THSD7A: variants seen among roughly 807,000 people sequenced by gnomAD.
THSD7A encodes thrombospondin type-1 domain-containing protein 7A.
A neutral mutation model predicts 231.3 loss-of-function variants in THSD7A; 96 were observed. The ratio of observed to expected loss-of-function variants is 0.41; its 90% confidence interval spans 0.35 to 0.49. The LOEUF (loss-of-function observed/expected upper bound fraction) is 0.49. Among genes scored for constraint, THSD7A ranks in the 20% least tolerant of loss-of-function variants. The probability of loss-of-function intolerance (pLI) is 0.05; values close to 1 mark genes in which losing one functional copy is unlikely to be tolerated. For missense variants in THSD7A, 2,290 were observed against 2,070.2 expected (o/e 1.11, Z -2.06); for synonymous variants, 940 against 743.3 (o/e 1.26, Z -4.30).
chr7:11,692,699 A>G (rs1780271667), intron 1 of THSD7A, among the ~76,000 whole-genome samples: 1 of 151,592 alleles, frequency 6.6e-6, no homozygotes, highest in East Asian at 2.0e-4. Flanking sequence ...ATTAGTTTAA[A>G]AGACAACAAG....
chr7:11,736,436 G>T (rs1781913929), intron 1 of THSD7A, among the ~76,000 whole-genome samples: 1 of 151,364 alleles, frequency 6.6e-6, no homozygotes, highest in South Asian at 2.1e-4. Context: ...ACTCCAGCCT[G>T]GGTGACACAG....
intron 1 of THSD7A, among the ~76,000 whole-genome samples, chr7:11,826,016 T>C (rs1785017138): frequency 6.6e-6 from 1 of 152,234 alleles, no homozygotes; most frequent in Admixed American, 6.5e-5. Context: ...TATTTGCATA[T>C]ACATTGGAGA....
At chr7:11,819,858 C>A (rs1481424316) in intron 1 of THSD7A, among the ~76,000 whole-genome samples, 1 of 152,108 alleles carries the variant, frequency 6.6e-6, no homozygotes, top group Non-Finnish European at 1.5e-5. Flanking sequence ...TCAATCGTAA[C>A]AAATGTACCA....
At chr7:11,449,891 G>C (rs1391150099) in intron 11 of THSD7A, among the ~76,000 whole-genome samples, 1 of 151,970 alleles carries the variant, frequency 6.6e-6, no homozygotes, top group East Asian at 1.9e-4. Flanking sequence ...CCTCAAGAAT[G>C]ATATATTTGG....
At position 11,401,986 on chromosome 7, in the gene THSD7A, G is replaced by GTAAT; in HGVS notation, c.4238-22_4238-19dup. 6.2e-7 allele frequency: 1 copy of GTAAT among 1,604,466 alleles called. No homozygotes were observed. The highest frequency in any genetic ancestry group is 8.5e-7 in the Non-Finnish European group (1 of 1,175,590). On this transcript the variant is annotated intron_variant, in intron 22 of 27. Coordinates refer to ENST00000423059, the MANE Select transcript of THSD7A (RefSeq NM_015204.3). ...ACAGTCACCTGTAAAACACATATTT[G>GTAAT]TAATTTACACCCATATCCACAGAGA... is the stretch of plus-strand genomic sequence containing the variant.
At chr7:11,447,700 G>T (rs749652857) in intron 11 of THSD7A, among the ~76,000 whole-genome samples, 1 of 151,940 alleles carries the variant, frequency 6.6e-6, no homozygotes, top group Non-Finnish European at 1.5e-5. Flanking sequence ...ATGTATTCAG[G>T]GTTTCAATTC....
chr7:11,447,211 G>A lies in THSD7A; in HGVS notation c.2800+19C>T. ...TCTACTTTGACGTGTACTGGCTTTGGCATCCCAATTATTCTTACCAACAAG... is the reference window on the plus strand; with the variant it reads ...TCTACTTTGACGTGTACTGGCTTTGACATCCCAATTATTCTTACCAACAAG... On this transcript the variant is annotated intron_variant, in intron 12 of 27. Coordinates refer to ENST00000423059, the MANE Select transcript of THSD7A (RefSeq NM_015204.3). 3 of 1,611,062 alleles carry A rather than the reference G, an allele frequency of 1.9e-6. No individual in the cohort carries two copies. Among genetic ancestry groups the A allele is most frequent in the Non-Finnish European group, 2.5e-6 (3 of 1,178,030 alleles).
rs78826124 is a variant in THSD7A at position 11,598,577 on chromosome 7, G to A, written c.1023-5075C>T. Among the ~76,000 whole-genome samples the A allele has an allele frequency of 0.016, 2,460 of 152,258 alleles. 150 individuals carry two copies. In the East Asian group the frequency reaches 0.22, roughly 14 times the overall value. On this transcript the variant is annotated intron_variant, in intron 2 of 27. Transcript: ENST00000423059. ...GCCCAATTTGCCAGCACTTATGGGG[G>A]AATGGCCTTTTGAAGTCACAATTAC...
chr7:11,818,359 C>T (rs749996236), intron 1 of THSD7A, among the ~76,000 whole-genome samples: 64 of 152,190 alleles, frequency 4.2e-4, no homozygotes, highest in Non-Finnish European at 7.3e-4. Context: ...TATTGTTCTA[C>T]GTTAGGCTGT....
At chr7:11,683,983 CA>C (rs1274434714) in intron 1 of THSD7A, among the ~76,000 whole-genome samples, 1 of 151,916 alleles carries the variant, frequency 6.6e-6, no homozygotes, top group Non-Finnish European at 1.5e-5. Context: ...ATATCCTCTA[CA>C]AAATATTAGC....
At chr7:11,607,516 T>C (rs1780772390) in intron 2 of THSD7A, among the ~76,000 whole-genome samples, 2 of 152,076 alleles carry the variant, frequency 1.3e-5, no homozygotes, top group African/African-American at 4.8e-5. Flanking sequence ...GTTCTGATTG[T>C]CTTGTGTTTT....
intron 8 of THSD7A, among the ~76,000 whole-genome samples, chr7:11,470,781 G>A (rs1031222471): frequency 6.6e-6 from 1 of 151,674 alleles, no homozygotes; most frequent in Non-Finnish European, 1.5e-5. Flanking sequence ...ATAAATTATA[G>A]TAAAATTAAC....
chr7:11,607,681 T>C (rs1780779505), intron 2 of THSD7A, among the ~76,000 whole-genome samples: 1 of 152,146 alleles, frequency 6.6e-6, no homozygotes, highest in Non-Finnish European at 1.5e-5. Flanking sequence ...CTGAATGAAT[T>C]TTACTCTCTA....
At position 11,406,564 on chromosome 7, in the gene THSD7A, G is replaced by T; in HGVS notation, c.4063-90C>A. ...TAGTTATCTCTGCACCACTGACTTT[G>T]ATTTATGAACATTTAGAGAAGGATT... On this transcript the variant is annotated intron_variant, in intron 21 of 27. Transcript: ENST00000423059. The surrounding 1 kb of genome is among the most constrained non-coding windows in gnomAD (Gnocchi z 4.7). 1 of 1,328,936 alleles carries T rather than the reference G, an allele frequency of 7.5e-7. No homozygotes were observed. The highest frequency in any genetic ancestry group is 1.0e-6 in the Non-Finnish European group (1 of 989,562). The allele number at this position is 1,328,936 out of a possible 1,614,324, so 82.3% of individuals were successfully genotyped here.
At chr7:11,426,515 GT>G in intron 15 of THSD7A, 150 bp downstream of exon 15, 2 of 787,198 alleles carry the variant, frequency 2.5e-6, no homozygotes, top group Non-Finnish European at 3.8e-6. Context: ...AAATAAAACA[GT>G]TATAGAAAAA....
At position 11,406,456 on chromosome 7, in the gene THSD7A, C is replaced by T; in HGVS notation, c.4081G>A (p.Gly1361Arg). ...CQVQEAQCGE[G>R]TRTRNISCVV... Reference sequence around the variant, plus strand: ...CAAGAAATGTTCCTTGTTCTGGTCCCTTCTCCACACTGGGCCTCCTGGAAT... The same window carrying T: ...CAAGAAATGTTCCTTGTTCTGGTCCTTTCTCCACACTGGGCCTCCTGGAAT... Residue 1361 changes from glycine to arginine, a missense_variant, in exon 22 of 28, where the codon GGG (glycine) becomes AGG (arginine). By Grantham distance (125) the Gly-to-Arg change is moderately radical. Transcript: ENST00000423059. This position sits in a 1 kb window ranked among gnomAD's most constrained non-coding sequence, Gnocchi z 4.7. The T allele has an allele frequency of 6.2e-7, 1 of 1,611,438 alleles. No homozygotes were observed.
At chr7:11,743,796 G>T (rs764413329) in intron 1 of THSD7A, among the ~76,000 whole-genome samples, 6 of 151,958 alleles carry the variant, frequency 3.9e-5, no homozygotes, top group Non-Finnish European at 7.4e-5. Context: ...AGCCCCTTTT[G>T]CCTATTCTGT....
intron 6 of THSD7A, among the ~76,000 whole-genome samples, chr7:11,513,564 C>G (rs1787907014): frequency 6.6e-6 from 1 of 152,074 alleles, no homozygotes; most frequent in South Asian, 2.1e-4. Context: ...CATATTATAT[C>G]ATTCTATTTA....
intron 1 of THSD7A, among the ~76,000 whole-genome samples, chr7:11,775,389 C>T (rs1032082478): frequency 6.6e-6 from 1 of 152,194 alleles, no homozygotes; most frequent in Admixed American, 6.5e-5. Context: ...GCTATTTGTA[C>T]ACCCGCGTTC....
Sources: allele counts gnomAD v4.1 joint callset (sites outside exome capture counted in the v4.1 genomes callset), GRCh38; gene constraint gnomAD v4.1.1; non-coding constraint Gnocchi (gnomAD v3.1); transcripts MANE v1.5; gene names NCBI Gene and HGNC (gene_info 2026-07-23, HGNC 2026-07-21).